The following TMA16 variants were observed in gnomAD, a reference collection of about 807,000 sequenced individuals.
TMA16 encodes translation machinery-associated protein 16.
Under a neutral mutation model 27.1 loss-of-function variants are expected in TMA16, and 26 were observed. The ratio of observed to expected loss-of-function variants is 0.96; its 90% CI spans 0.70 to 1.33. The LOEUF is 1.33. TMA16 is among the 40% of genes most tolerant of loss of function. TMA16 has a pLI of 0.00. For synonymous variants in TMA16, 71 were observed against 81.9 expected (o/e 0.87, Z 0.72); for missense variants, 233 against 241.4 (o/e 0.97, Z 0.23).
At chr4:163,515,161 A>G in intron 4 of TMA16, 152 bp from the exon 5 acceptor site, 1 of 680,144 alleles carries the variant, frequency 1.5e-6, no homozygotes, top group Non-Finnish European at 2.3e-6. Context: ...TTATCCAGGG[A>G]ATGGGTAAAA....
intron 2 of TMA16, among the ~76,000 whole-genome samples, chr4:163,507,883 T>TA (rs1182443643): frequency 6.6e-6 from 1 of 151,896 alleles, no homozygotes; most frequent in Non-Finnish European, 1.5e-5. Flanking sequence ...GAATGTTAGA[T>TA]ACATTTGCAT....
chr4:163,517,194 G>T (rs896364538), intron 5 of TMA16: 6 of 462,974 alleles, frequency 1.3e-5, no homozygotes, highest in Non-Finnish European at 2.3e-5. Flanking sequence ...GAGCCACCGC[G>T]CCTGGCCTAA....
chr4:163,516,442 C>T (rs1301477497), intron 5 of TMA16, among the ~76,000 whole-genome samples: 1 of 152,248 alleles, frequency 6.6e-6, no homozygotes, highest in African/African-American at 2.4e-5. Context: ...CTTTTTAACA[C>T]CTAGCCCCTC....
At chr4:163,509,138 TTAGGC>T (rs923441239) in intron 2 of TMA16, among the ~76,000 whole-genome samples, 44 of 152,308 alleles carry the variant, frequency 2.9e-4, no homozygotes, top group African/African-American at 1.0e-3. Flanking sequence ...AATCATAGGC[TTAGGC>T]CACTATAGAT....
intron 5 of TMA16, 59 bp from the exon 6 acceptor site, chr4:163,517,375 A>C: frequency 6.8e-7 from 1 of 1,460,714 alleles, no homozygotes; most frequent in Non-Finnish European, 9.6e-7. Context: ...TTTGTTGTAC[A>C]TAAAATTATG....
At position 163,494,690 on chromosome 4, in the gene TMA16, A is replaced by G; in HGVS notation, c.-112A>G. On this transcript the variant is annotated 5_prime_UTR_variant, in exon 1 of 7. Transcript: ENST00000358572. ...CCGGTTGGGTCGGCGCGGGCTTCTCAGGCGCCACGTGGGATTCGGCCCGGG... is the reference window on the plus strand; with the variant it reads ...CCGGTTGGGTCGGCGCGGGCTTCTCGGGCGCCACGTGGGATTCGGCCCGGG... The G allele has an allele frequency of 1.4e-6, 2 of 1,475,912 alleles. No homozygotes were observed. The highest frequency in any genetic ancestry group is 1.9e-6 in the Non-Finnish European group (2 of 1,059,382). 91.4% of individuals were successfully genotyped at this position (1,475,912 alleles called of 1,614,324 possible).
intron 1 of TMA16, among the ~76,000 whole-genome samples, chr4:163,503,864 C>T (rs1273781846): frequency 1.3e-5 from 2 of 152,016 alleles, no homozygotes; most frequent in African/African-American, 4.8e-5. Flanking sequence ...GTACATATTT[C>T]TGTGTCTCAC....
intron 2 of TMA16, among the ~76,000 whole-genome samples, chr4:163,512,011 A>G (rs1051763587): frequency 8.1e-5 from 12 of 147,772 alleles, no homozygotes; most frequent in Admixed American, 4.0e-4. Context: ...CGTAGTCCCT[A>G]TCTTTTTTTT....
chr4:163,517,628 AAGTTGGGCGTACAAAC>A, intron 6 of TMA16, 152 bp downstream of exon 6: 1 of 618,742 alleles, frequency 1.6e-6, no homozygotes, highest in Non-Finnish European at 2.7e-6. Context: ...GAATTTTCTG[AAGTTGGGCGTACAAAC>A]AGTTGATCTG....
chr4:163,503,450 C>T (rs943242214), intron 1 of TMA16, among the ~76,000 whole-genome samples: 4 of 152,150 alleles, frequency 2.6e-5, no homozygotes, highest in Admixed American at 6.5e-5. Context: ...GCCTAGACTG[C>T]GGCTCAACTT....
chr4:163,494,994 C>T (rs1260832663), intron 1 of TMA16, among the ~76,000 whole-genome samples, 190 bp downstream of exon 1: 2 of 152,238 alleles, frequency 1.3e-5, no homozygotes, highest in Non-Finnish European at 2.9e-5. Context: ...ACGCCTGGAC[C>T]TTAGAGTTCC....
intron 1 of TMA16, among the ~76,000 whole-genome samples, chr4:163,497,841 A>G (rs1737580827): frequency 6.6e-6 from 1 of 152,218 alleles, no homozygotes; most frequent in Middle Eastern, 3.2e-3. Flanking sequence ...AGGAGGGCAG[A>G]GCATTATTGC....
chr4:163,519,511 C>T lies in TMA16; in HGVS notation c.609C>T (p.Ala203=). Reference sequence around the variant, plus strand: ...CAGATGAGGAAATGACTGCAGTGGCCTAATTGTCTTCACTTGAATTGAAAA... The same window carrying T: ...CAGATGAGGAAATGACTGCAGTGGCTTAATTGTCTTCACTTGAATTGAAAA... ...SDSDEEMTAV[A] is the part of the protein sequence containing the mutation. Residue 203 remains alanine (A), a synonymous_variant, in exon 7 of 7, where the codon GCC becomes GCT. Transcript: ENST00000358572. 6.4e-7 allele frequency: 1 copy of T among 1,570,926 alleles called. No individual in the cohort carries two copies. The highest frequency in any genetic ancestry group is 8.6e-7 in the Non-Finnish European group (1 of 1,165,900).
rs747728192 is a variant in TMA16 at position 163,515,334 on chromosome 4, T to C, written c.261T>C (p.Ser87=). Residue 87 remains serine (S), a synonymous_variant, in exon 5 of 7, where the codon AGT becomes AGC. Transcript: ENST00000358572. ...LIERYLNRFS[S]ELEQIELHNS... ...TCAGGTACTTAAATCGATTCAGCAGTGAGCTGGAGCAGATTGAGTTACATA... is the reference window on the plus strand; with the variant it reads ...TCAGGTACTTAAATCGATTCAGCAGCGAGCTGGAGCAGATTGAGTTACATA... 6.2e-7 allele frequency: 1 copy of C among 1,611,304 alleles called. No individual in the cohort carries two copies. The highest frequency in any genetic ancestry group is 1.1e-5 in the South Asian group (1 of 90,426).
At chr4:163,496,915 G>A (rs1196418445) in intron 1 of TMA16, among the ~76,000 whole-genome samples, 1 of 152,194 alleles carries the variant, frequency 6.6e-6, no homozygotes, top group African/African-American at 2.4e-5. Flanking sequence ...GCCTCCCAAA[G>A]TGCTGTGATT....
chr4:163,514,209 G>A (rs763383825), intron 4 of TMA16, 51 bp downstream of exon 4: 2 of 1,439,354 alleles, frequency 1.4e-6, no homozygotes, highest in Non-Finnish European at 1.9e-6. Context: ...GAATTGTCCA[G>A]CCTGGTTCTT....
chr4:163,511,811 T>A (rs1737804325), intron 2 of TMA16, among the ~76,000 whole-genome samples: 3 of 152,124 alleles, frequency 2.0e-5, no homozygotes, highest in Admixed American at 1.3e-4. Flanking sequence ...AGCTACACAG[T>A]GAGGCCCTGT....
At chr4:163,506,412 G>A (rs143854352) in intron 1 of TMA16, among the ~76,000 whole-genome samples, 4 of 152,132 alleles carry the variant, frequency 2.6e-5, no homozygotes, top group African/African-American at 4.8e-5. Context: ...GGATTATGTA[G>A]GAATAAAAGA....
intron 2 of TMA16, among the ~76,000 whole-genome samples, chr4:163,511,390 T>G (rs1238616416): frequency 6.6e-6 from 1 of 152,208 alleles, no homozygotes; most frequent in Admixed American, 6.5e-5. Context: ...TCCGAATCTT[T>G]TGCCTTTTTG....
Sources: gnomAD v4.1 joint callset for allele counts (sites outside exome capture counted in the v4.1 genomes callset) on GRCh38, gnomAD v4.1.1 for gene constraint, MANE v1.5 for transcripts, NCBI Gene and HGNC (gene_info 2026-07-23, HGNC 2026-07-21) for gene names.